Variants in LRP1B observed in about 807,000 individuals in gnomAD.
The protein encoded by LRP1B is LDL receptor related protein 1B.
Under a neutral mutation model 556.6 loss-of-function variants are expected in LRP1B, and 217 were observed. The ratio of observed to expected loss-of-function variants is 0.39; its 90% CI spans 0.35 to 0.44. The LOEUF is 0.44. LRP1B is among the 20% of genes least tolerant of loss of function. The pLI, the probability that LRP1B is intolerant of heterozygous loss-of-function variation, is 1.00. For synonymous variants in LRP1B, 2,047 were observed against 1,865.8 expected, an observed-to-expected ratio of 1.10 and a Z score of -2.50; for missense variants, 5,053 against 5,620.8, an observed-to-expected ratio of 0.90 and a Z score of 3.23.
chr2:141,625,270 T>C (rs909627966), intron 2 of LRP1B, among the ~76,000 whole-genome samples: 1 of 152,194 alleles, frequency 6.6e-6, no homozygotes, highest in African/African-American at 2.4e-5. Context: ...AAAATGTATG[T>C]AATTATTCAA....
At chr2:141,471,287 T>TTTTTTTTTTTTC (rs1682463035) in intron 3 of LRP1B, among the ~76,000 whole-genome samples, 1 of 68,070 alleles carries the variant, frequency 1.5e-5, no homozygotes. Context: ...TTTTTTTTTT[T>TTTTTTTTTTTTC]TTTTTTTACT....
chr2:140,934,077 CCAGA>C (rs1272597549), intron 20 of LRP1B, among the ~76,000 whole-genome samples: 1 of 151,426 alleles, frequency 6.6e-6, no homozygotes, highest in Non-Finnish European at 1.5e-5. Context: ...TAAAGTTGAG[CCAGA>C]CAGTTTGTAT....
intron 7 of LRP1B, among the ~76,000 whole-genome samples, chr2:141,095,576 C>T (rs1574068334): frequency 6.6e-6 from 1 of 151,282 alleles, no homozygotes. Context: ...TATCTTTACT[C>T]TCTTGATTAT....
intron 62 of LRP1B, among the ~76,000 whole-genome samples, chr2:140,452,786 G>A (rs570216567): frequency 6.6e-6 from 1 of 152,112 alleles, no homozygotes; most frequent in Non-Finnish European, 1.5e-5. Context: ...GTCTGGATAT[G>A]ATGGGGTGAA....
At chr2:141,207,522 T>C (rs1458720901) in intron 6 of LRP1B, among the ~76,000 whole-genome samples, 1 of 152,202 alleles carries the variant, frequency 6.6e-6, no homozygotes, top group African/African-American at 2.4e-5. Flanking sequence ...GTTATTGTTT[T>C]CAGTAAGCAA....
chr2:141,468,145 T>C (rs1319328139), intron 3 of LRP1B, among the ~76,000 whole-genome samples: 2 of 152,120 alleles, frequency 1.3e-5, no homozygotes, highest in Non-Finnish European at 2.9e-5. Flanking sequence ...TAGGCAACAT[T>C]AGAATTTTAT....
chr2:140,922,760 T>C (rs1694775328), intron 21 of LRP1B, among the ~76,000 whole-genome samples: 1 of 152,114 alleles, frequency 6.6e-6, no homozygotes, highest in South Asian at 2.1e-4. Context: ...CCTTGCCTCA[T>C]GAATCCAATG....
intron 7 of LRP1B, among the ~76,000 whole-genome samples, chr2:141,133,240 T>C (rs903547011): frequency 1.3e-5 from 2 of 150,592 alleles, no homozygotes; most frequent in African/African-American, 4.9e-5. Flanking sequence ...TATTTCCAAA[T>C]TAAATATTTT....
intron 3 of LRP1B, among the ~76,000 whole-genome samples, chr2:141,407,816 G>C (rs1198865896): frequency 6.6e-6 from 1 of 151,988 alleles, no homozygotes; most frequent in Admixed American, 6.6e-5. Flanking sequence ...TCTTTTTAAC[G>C]ATGTAAGAAC....
intron 87 of LRP1B, among the ~76,000 whole-genome samples, chr2:140,244,351 T>A (rs1266518336): frequency 6.6e-6 from 1 of 151,312 alleles, no homozygotes; most frequent in Non-Finnish European, 1.5e-5. Flanking sequence ...ATTGTCACTA[T>A]AGTAAAATAC....
At chr2:140,740,790 T>C (rs1688110105) in intron 35 of LRP1B, among the ~76,000 whole-genome samples, 1 of 152,134 alleles carries the variant, frequency 6.6e-6, no homozygotes. Context: ...TATATCTTCA[T>C]ATGGTCTTTC....
At chr2:140,491,098 C>A (rs1057109756) in intron 57 of LRP1B, among the ~76,000 whole-genome samples, 1 of 151,940 alleles carries the variant, frequency 6.6e-6, no homozygotes, top group African/African-American at 2.4e-5. Context: ...CCATTAAGAA[C>A]AATTTTTGAC....
At chr2:141,003,898 T>C (rs545577018) in intron 15 of LRP1B, among the ~76,000 whole-genome samples, 78 of 152,234 alleles carry the variant, frequency 5.1e-4, no homozygotes, top group African/African-American at 1.8e-3. Context: ...TAAAAATAAA[T>C]GCCAATGATA....
At chr2:141,795,858 AT>A (rs1163199368) in intron 2 of LRP1B, among the ~76,000 whole-genome samples, 9,239 of 23,924 alleles carry the variant, frequency 0.39, 1,250 homozygotes, top group African/African-American at 0.52. Flanking sequence ...ACCAGGAGCA[AT>A]ATATATATAT....
intron 2 of LRP1B, among the ~76,000 whole-genome samples, chr2:141,779,704 A>C (rs960461320): frequency 1.3e-5 from 2 of 152,108 alleles, no homozygotes; most frequent in Admixed American, 1.3e-4. Flanking sequence ...TCCTAGAAAC[A>C]ACCTACTGTT....
intron 2 of LRP1B, among the ~76,000 whole-genome samples, chr2:141,590,601 G>A (rs971242468): frequency 6.6e-6 from 1 of 151,916 alleles, no homozygotes; most frequent in East Asian, 1.9e-4. Flanking sequence ...GTGAAACAAG[G>A]CCCCAGTTCC....
intron 2 of LRP1B, among the ~76,000 whole-genome samples, chr2:141,783,936 C>A (rs1326903638): frequency 2.0e-5 from 3 of 151,714 alleles, no homozygotes; most frequent in Non-Finnish European, 4.4e-5. Flanking sequence ...TTTGGCATTT[C>A]ATTAATGGGC....
intron 23 of LRP1B, among the ~76,000 whole-genome samples, chr2:140,890,113 A>C (rs370153049): frequency 8.3e-5 from 10 of 120,058 alleles, no homozygotes; most frequent in Non-Finnish European, 1.7e-4. Flanking sequence ...AAAAAAAAAA[A>C]CCCTAGTTCC....
At chr2:142,044,666 A>G (rs1559040368) in intron 1 of LRP1B, among the ~76,000 whole-genome samples, 1 of 151,738 alleles carries the variant, frequency 6.6e-6, no homozygotes, top group Non-Finnish European at 1.5e-5. Context: ...CCCCAAGGAT[A>G]TTCATCAATT....
Sources: gnomAD v4.1 joint callset for allele counts (sites outside exome capture counted in the v4.1 genomes callset) on GRCh38, gnomAD v4.1.1 for gene constraint, MANE v1.5 for transcripts, NCBI Gene and HGNC (gene_info 2026-07-23, HGNC 2026-07-21) for gene names.